The following PPFIA2 variants were observed in gnomAD, a reference collection of about 807,000 sequenced individuals.
PPFIA2 encodes PPFI scaffold protein A2.
A neutral mutation model predicts 175.5 loss-of-function variants in PPFIA2; 46 were observed. The observed-to-expected ratio is 0.26, with a 90% CI of 0.21 to 0.34. The LOEUF (loss-of-function observed/expected upper bound fraction) is 0.34. Ranked by LOEUF, PPFIA2 falls within the 10% of genes least tolerant of loss-of-function variation. PPFIA2 has a pLI of 1.00. For synonymous variants in PPFIA2, 568 were observed against 511.4 expected (o/e 1.11, Z -1.49); for missense variants, 1,179 against 1,506.1 (o/e 0.78, Z 3.60).
intron 4 of PPFIA2, among the ~76,000 whole-genome samples, chr12:81,568,261 A>C (rs149176299): frequency 1.2e-3 from 177 of 152,212 alleles, no homozygotes; most frequent in African/African-American, 3.1e-3. Flanking sequence ...GTCATATATA[A>C]ACTCATGAAA....
At chr12:81,742,039 GTCCCTAAGGCAGTTGAA>G (rs1414306864) in intron 3 of PPFIA2, among the ~76,000 whole-genome samples, 3 of 152,174 alleles carry the variant, frequency 2.0e-5, no homozygotes, top group Non-Finnish European at 2.9e-5. Context: ...AGCCGCAGCA[GTCCCTAAGGCAGTTGAA>G]TCCCTGACCC....
intron 8 of PPFIA2, among the ~76,000 whole-genome samples, chr12:81,404,157 C>A (rs2042523579): frequency 6.6e-6 from 1 of 152,036 alleles, no homozygotes; most frequent in Non-Finnish European, 1.5e-5. Context: ...TCCCTGCCCT[C>A]CTCCTCCATA....
intron 4 of PPFIA2, among the ~76,000 whole-genome samples, chr12:81,464,804 A>G (rs2055290419): frequency 6.6e-6 from 1 of 151,916 alleles, no homozygotes; most frequent in Non-Finnish European, 1.5e-5. Flanking sequence ...ATTCTCAGAC[A>G]GACACAGAGC....
At chr12:81,523,105 C>T (rs140458331) in intron 4 of PPFIA2, among the ~76,000 whole-genome samples, 157 of 152,088 alleles carry the variant, frequency 1.0e-3, no homozygotes, top group African/African-American at 2.4e-3. Context: ...ATTTCATTGG[C>T]GATAAATCTG....
At chr12:81,638,994 T>A (rs2064554603) in intron 4 of PPFIA2, among the ~76,000 whole-genome samples, 1 of 152,202 alleles carries the variant, frequency 6.6e-6, no homozygotes, top group African/African-American at 2.4e-5. Context: ...GCCTGTTTTG[T>A]CATAAATTTT....
chr12:81,672,937 A>C (rs370196405), intron 4 of PPFIA2, among the ~76,000 whole-genome samples: 4 of 152,054 alleles, frequency 2.6e-5, no homozygotes, highest in African/African-American at 9.7e-5. Context: ...AAATAATAAG[A>C]AAGTAAATAG....
chr12:81,373,227 T>C (rs2035602305), intron 11 of PPFIA2, among the ~76,000 whole-genome samples: 1 of 151,892 alleles, frequency 6.6e-6, no homozygotes, highest in Non-Finnish European at 1.5e-5. Flanking sequence ...GCTACAATTT[T>C]ACAAAAGTTA....
At chr12:81,751,209 A>G (rs2083718985) in intron 3 of PPFIA2, among the ~76,000 whole-genome samples, 1 of 152,152 alleles carries the variant, frequency 6.6e-6, no homozygotes, top group African/African-American at 2.4e-5. Flanking sequence ...TAATAGCAAC[A>G]TACAAATTGA....
intron 4 of PPFIA2, among the ~76,000 whole-genome samples, chr12:81,637,265 TTTTTTTTTTTTTTTTTTTA>T: frequency 3.2e-5 from 2 of 61,768 alleles, no homozygotes; most frequent in African/African-American, 9.5e-5. Context: ...TTTTTTTTTT[TTTTTTTTTTTTTTTTTTTA>T]GTAGAGATGG....
intron 4 of PPFIA2, among the ~76,000 whole-genome samples, chr12:81,650,496 G>C (rs539741858): frequency 6.6e-6 from 1 of 152,026 alleles, no homozygotes; most frequent in East Asian, 1.9e-4. Flanking sequence ...TAATGCATAA[G>C]AGCAAATCTA....
chr12:81,559,239 T>A (rs1259411253), intron 4 of PPFIA2, among the ~76,000 whole-genome samples: 1 of 152,214 alleles, frequency 6.6e-6, no homozygotes, highest in East Asian at 1.9e-4. Flanking sequence ...AGGACCTTGA[T>A]GCTCATTATT....
intron 1 of PPFIA2, 36 bp from the exon 2 acceptor site, chr12:81,758,543 G>GCGTGCCCCGGCGCCCTCCCGGAA (rs2085045310): frequency 5.2e-6 from 2 of 387,644 alleles, no homozygotes; most frequent in Admixed American, 5.3e-5. Flanking sequence ...TCAGACACAC[G>GCGTGCCCCGGCGCCCTCCCGGAA]CGTGCCCCGG....
At chr12:81,505,281 A>G (rs1173255998) in intron 4 of PPFIA2, among the ~76,000 whole-genome samples, 1 of 151,978 alleles carries the variant, frequency 6.6e-6, no homozygotes, top group African/African-American at 2.4e-5. Flanking sequence ...TAAAAAAAAA[A>G]AAAAGAAAGA....
chr12:81,456,665 GT>G (rs983147734), intron 5 of PPFIA2, among the ~76,000 whole-genome samples: 1 of 152,028 alleles, frequency 6.6e-6, no homozygotes, highest in African/African-American at 2.4e-5. Flanking sequence ...CATAGAAGTG[GT>G]TTTTTTCTAC....
chr12:81,420,864 C>A (rs1335608505), intron 7 of PPFIA2, among the ~76,000 whole-genome samples: 1 of 151,214 alleles, frequency 6.6e-6, no homozygotes, highest in Non-Finnish European at 1.5e-5. Context: ...TGCACCGAGA[C>A]AAATTATAAT....
chr12:81,261,926 TCAGC>T lies in PPFIA2; in HGVS notation c.*33+19_*33+22del. ...CCATTTTTTTGTCTTTTTTTTTTTG[TCAGC>T]CAAAGGGAAACTACTCACAGCAGGT... On this transcript the variant is annotated intron_variant, in intron 32 of 32. Coordinates refer to ENST00000549396, the MANE Select transcript of PPFIA2 (RefSeq NM_003625.5). The T allele has an allele frequency of 6.8e-7, 1 of 1,474,568 alleles. No individual in the cohort carries two copies. The highest frequency in any genetic ancestry group is 2.3e-5 in the Admixed American group (1 of 43,808). The allele number at this position is 1,474,568 out of a possible 1,614,324, so 91.3% of individuals were successfully genotyped here.
intron 6 of PPFIA2, 96 bp downstream of exon 6, chr12:81,445,460 G>T: frequency 8.6e-7 from 1 of 1,168,012 alleles, no homozygotes; most frequent in East Asian, 2.4e-5. Context: ...TCAACTGACT[G>T]ACTTTAGGAG....
chr12:81,662,363 G>C (rs1443603412), intron 4 of PPFIA2, among the ~76,000 whole-genome samples: 1 of 152,122 alleles, frequency 6.6e-6, no homozygotes, highest in African/African-American at 2.4e-5. Context: ...CAATGATAAA[G>C]GGGATATTAC....
At chr12:81,532,274 T>C (rs1218478951) in intron 4 of PPFIA2, among the ~76,000 whole-genome samples, 1 of 151,692 alleles carries the variant, frequency 6.6e-6, no homozygotes, top group Non-Finnish European at 1.5e-5. Context: ...TTCAGATTTG[T>C]GCAAGCTGAT....
Sources: allele counts gnomAD v4.1 joint callset (sites outside exome capture counted in the v4.1 genomes callset), GRCh38; gene constraint gnomAD v4.1.1; transcripts MANE v1.5; gene names NCBI Gene and HGNC (gene_info 2026-07-23, HGNC 2026-07-21).